Variants in MINDY4B observed in about 807,000 individuals in gnomAD.
The protein encoded by MINDY4B is MINDY family member 4B.
In MINDY4B, 25 loss-of-function variants were observed where a neutral mutation model predicts 16.7. The ratio of observed to expected loss-of-function variants is 1.49; its 90% confidence interval spans 1.09 to 2.09. MINDY4B has a LOEUF of 2.09. Among genes scored for constraint, MINDY4B ranks in the 30% most tolerant of loss-of-function variants. MINDY4B has a pLI of 0.00. For synonymous variants in MINDY4B, 132 were observed against 61.9 expected, an observed-to-expected ratio of 2.13 and a Z score of -5.32; for missense variants, 327 against 168.4, an observed-to-expected ratio of 1.94 and a Z score of -5.21.
chr3:150,873,348 G>A lies in MINDY4B; in HGVS notation c.1079C>T (p.Thr360Ile), dbSNP rs1340594083. 5 of 702,658 alleles carry A rather than the reference G, an allele frequency of 7.1e-6. No homozygotes were observed. The highest frequency in any genetic ancestry group is 2.7e-5 in the East Asian group (1 of 37,302). 43.5% of individuals were successfully genotyped at this position (702,658 alleles called of 1,614,324 possible). Reference sequence around the variant, plus strand: ...GCACAGCCAAATAGGTAATTTGGGAGTCTTCAGCATGCTGCCCACCTGGAA... The same window carrying A: ...GCACAGCCAAATAGGTAATTTGGGAATCTTCAGCATGCTGCCCACCTGGAA... ...RLSQVGSMLK[T>I]PKLPIWLCNI... Residue 360 changes from threonine (T) to isoleucine (I), a missense_variant, in exon 11 of 12, where the codon ACT (threonine) becomes ATT (isoleucine). By Grantham distance (89) the Thr-to-Ile change is moderately conservative. Coordinates refer to ENST00000465419, the MANE Select transcript of MINDY4B (RefSeq NM_001351281.2).
rs1262987679 is a variant in MINDY4B at position 150,873,293 on chromosome 3, A to G, written c.1134T>C (p.Phe378=). The G allele has an allele frequency of 8.5e-6, 6 of 702,962 alleles. No homozygotes were observed. Among genetic ancestry groups the G allele is most frequent in the Middle Eastern group, 4.6e-4 (2 of 4,366 alleles). The allele number at this position is 702,962 out of a possible 1,614,324, so 43.5% of individuals were successfully genotyped here. ...CNINGNYSIL[F]CTNRQLLSDW... ...CTGATAAGAGCTGCCTGTTTGTGCA[A>G]AAAAGGATGCTGTAATTTCCATTGA... The change falls in exon 11 of 12, where the codon TTT becomes TTC. Residue 378 remains phenylalanine, a synonymous_variant. Transcript: ENST00000465419.
chr3:150,876,000 C>T (rs1711496540), intron 10 of MINDY4B, among the ~76,000 whole-genome samples: 1 of 152,144 alleles, frequency 6.6e-6, no homozygotes, highest in Non-Finnish European at 1.5e-5. Flanking sequence ...AACAGTTTAC[C>T]AGCTACTCCC....
chr3:150,888,056 G>A (rs1328335769), intron 7 of MINDY4B, among the ~76,000 whole-genome samples: 7 of 152,014 alleles, frequency 4.6e-5, no homozygotes, highest in Non-Finnish European at 8.8e-5. Context: ...GCAGTGAGCC[G>A]AGATCGCACC....
intron 3 of MINDY4B, among the ~76,000 whole-genome samples, chr3:150,898,678 T>C (rs189240805): frequency 1.2e-4 from 18 of 152,352 alleles, no homozygotes; most frequent in Admixed American, 3.3e-4. Flanking sequence ...GTTTATAGTT[T>C]TTCTCTTTGT....
chr3:150,880,087 C>T (rs7632690), intron 10 of MINDY4B, among the ~76,000 whole-genome samples: 2,616 of 152,340 alleles, frequency 0.017, 37 homozygotes, highest in African/African-American at 0.029. Context: ...CTGCTCTTCA[C>T]GTCAATCCTT....
At chr3:150,885,185 A>G (rs930686459) in intron 8 of MINDY4B, among the ~76,000 whole-genome samples, 183 bp downstream of exon 8, 15 of 152,210 alleles carry the variant, frequency 9.9e-5, no homozygotes, top group African/African-American at 3.6e-4. Context: ...GACTGACGAC[A>G]TCCACTTGCC....
intron 9 of MINDY4B, among the ~76,000 whole-genome samples, chr3:150,883,492 T>A (rs1201710522): frequency 6.6e-6 from 1 of 152,192 alleles, no homozygotes; most frequent in Admixed American, 6.5e-5. Flanking sequence ...GTTATGAAAA[T>A]TAGACGGTAG....
intron 10 of MINDY4B, among the ~76,000 whole-genome samples, chr3:150,879,149 G>A (rs1711501930): frequency 6.6e-6 from 1 of 152,290 alleles, no homozygotes; most frequent in Non-Finnish European, 1.5e-5. Context: ...ATTGAAAGAA[G>A]ATATACTCTT....
intron 10 of MINDY4B, among the ~76,000 whole-genome samples, chr3:150,873,967 G>T (rs16862928): frequency 0.18 from 26,203 of 146,890 alleles, 2,934 homozygotes; most frequent in East Asian, 0.45. Context: ...GCTTGTTATC[G>T]GTTTTTTTCT....
In MINDY4B at chr3:150,883,003, C is replaced by T. The variant is rs954163337; in HGVS notation, c.953G>A (p.Cys318Tyr). ...TGTTTCCTGAGACTTTCCTTCCTCA[C>T]AGCCATTGAAGACATTGGGACTTGC... is the stretch of plus-strand genomic sequence containing the variant. ...GRASPNVFNG[C>Y]EEGKSQETLH... The change falls in exon 10 of 12, where the codon TGT becomes TAT. Residue 318 changes from cysteine (C) to tyrosine (Y), a missense_variant. Cys to Tyr is a radical substitution (Grantham distance 194). Coordinates refer to ENST00000465419, the MANE Select transcript of MINDY4B (RefSeq NM_001351281.2). 8.5e-6 allele frequency: 6 copies of T among 702,538 alleles called. No individual in the cohort carries two copies. Among genetic ancestry groups the T allele is most frequent in the Non-Finnish European group, 1.6e-5 (6 of 384,762 alleles). 43.5% of individuals were successfully genotyped at this position (702,538 alleles called of 1,614,324 possible).
intron 7 of MINDY4B, among the ~76,000 whole-genome samples, chr3:150,886,729 T>C (rs1394407639): frequency 6.6e-6 from 1 of 152,042 alleles, no homozygotes; most frequent in Admixed American, 6.6e-5. Context: ...CACATAACCC[T>C]CCTCCCTCTG....
intron 10 of MINDY4B, among the ~76,000 whole-genome samples, chr3:150,876,238 A>G (rs912106870): frequency 6.6e-6 from 1 of 152,250 alleles, no homozygotes; most frequent in Non-Finnish European, 1.5e-5. Flanking sequence ...AAGCCAATGT[A>G]AAATTACAAG....
chr3:150,892,422 A>G (rs2107906140), intron 5 of MINDY4B, among the ~76,000 whole-genome samples: 1 of 152,362 alleles, frequency 6.6e-6, no homozygotes, highest in East Asian at 1.9e-4. Flanking sequence ...GCTTCTAGGG[A>G]AACTGGCAGT....
chr3:150,870,431 G>A lies in MINDY4B; in HGVS notation c.*614C>T, dbSNP rs1042456678. Among the ~76,000 whole-genome samples, 1 of 152,192 alleles carries A rather than the reference G, an allele frequency of 6.6e-6. No homozygotes were observed. The highest frequency in any genetic ancestry group is 2.4e-5 in the African/African-American group (1 of 41,450). ...GAAACAAACATACTGCTAATAAAAAGAATGTCTCCTTGTGGCTACTGAAAC... is the reference window on the plus strand; with the variant it reads ...GAAACAAACATACTGCTAATAAAAAAAATGTCTCCTTGTGGCTACTGAAAC... On this transcript the variant is annotated 3_prime_UTR_variant, in exon 12 of 12. Coordinates refer to ENST00000465419, the MANE Select transcript of MINDY4B (RefSeq NM_001351281.2).
chr3:150,881,376 C>G (rs1328855274), intron 10 of MINDY4B, among the ~76,000 whole-genome samples: 1 of 151,914 alleles, frequency 6.6e-6, no homozygotes, highest in African/African-American at 2.4e-5. Flanking sequence ...ACAGCGAACT[C>G]TGTCTCAAAA....
In MINDY4B at chr3:150,870,383, T is replaced by C. The variant is rs1265482466; in HGVS notation, c.*662A>G. ...TTTTCTCAGTTTGTCTGTTTGTGTA[T>C]TTATATCCAGCATTGAAGAAAAGAA... On this transcript the variant is annotated 3_prime_UTR_variant, in exon 12 of 12. Coordinates refer to ENST00000465419, the MANE Select transcript of MINDY4B (RefSeq NM_001351281.2). Among the ~76,000 whole-genome samples, 1 of 152,238 alleles carries C rather than the reference T, an allele frequency of 6.6e-6. No homozygotes were observed. The highest frequency in any genetic ancestry group is 2.4e-5 in the African/African-American group (1 of 41,464).
At chr3:150,890,549 C>A in intron 6 of MINDY4B, 164 bp from the exon 7 acceptor site, 1 of 489,630 alleles carries the variant, frequency 2.0e-6, no homozygotes, top group Non-Finnish European at 3.6e-6. Flanking sequence ...AAAACATAAA[C>A]AGTGCAACTG....
chr3:150,899,997 A>G (rs1712078358), intron 3 of MINDY4B, among the ~76,000 whole-genome samples: 1 of 152,204 alleles, frequency 6.6e-6, no homozygotes, highest in African/African-American at 2.4e-5. Context: ...AGCTACAGAA[A>G]TGTGTTCAAG....
At chr3:150,875,731 A>G (rs755115901) in intron 10 of MINDY4B, among the ~76,000 whole-genome samples, 1 of 152,202 alleles carries the variant, frequency 6.6e-6, no homozygotes, top group African/African-American at 2.4e-5. Flanking sequence ...GAGCAAGCAG[A>G]ACCTTGCTTG....
Sources: allele counts gnomAD v4.1 joint callset (sites outside exome capture counted in the v4.1 genomes callset), GRCh38; gene constraint gnomAD v4.1.1; transcripts MANE v1.5; gene names NCBI Gene and HGNC (gene_info 2026-07-23, HGNC 2026-07-21).